CLK4: variants seen among roughly 807,000 people sequenced by gnomAD.
CLK4 encodes the protein dual specificity protein kinase CLK4.
In CLK4, 37 loss-of-function variants were observed where a neutral mutation model predicts 64.4. The ratio of observed to expected loss-of-function variants is 0.57; its 90% CI spans 0.44 to 0.76. The LOEUF (loss-of-function observed/expected upper bound fraction) is 0.76, where lower values mean the gene tolerates loss of function less well. Ranked by LOEUF, CLK4 falls within the 30% of genes least tolerant of loss-of-function variation. CLK4 has a pLI of 0.00. For missense variants in CLK4, 457 were observed against 605.1 expected, an observed-to-expected ratio of 0.76 and a Z score of 2.57; for synonymous variants, 175 against 191.6, an observed-to-expected ratio of 0.91 and a Z score of 0.72.
intron 9 of CLK4, among the ~76,000 whole-genome samples, chr5:178,609,576 G>C (rs1052360872): frequency 3.9e-5 from 6 of 152,162 alleles, no homozygotes; most frequent in Non-Finnish European, 7.4e-5. Flanking sequence ...CCAGTGACTT[G>C]GGAGGCTGAG....
chr5:178,612,841 A>C lies in CLK4; in HGVS notation c.876T>G (p.Ile292Met), dbSNP rs1764576032. Reference protein sequence around the residue: ...LTHTDLKPENILFVKSDYVVK... With the variant: ...LTHTDLKPENMLFVKSDYVVK... ...CTACATAGTCAGACTTCACAAACAA[A>C]ATATTTTCAGGCTTCAGATCTGTAT... is the stretch of plus-strand genomic sequence containing the variant. Residue 292 changes from isoleucine (I) to methionine (M), a missense_variant, in exon 8 of 13, where the codon ATT becomes ATG. Transcript: ENST00000316308. 1.3e-6 allele frequency: 2 copies of C among 1,579,096 alleles called. No individual in the cohort carries two copies. The highest frequency in any genetic ancestry group is 1.7e-6 in the Non-Finnish European group (2 of 1,149,898).
rs543441497 is a variant in CLK4, at chr5:178,616,593, C to T, written c.542+289G>A. On this transcript the variant is annotated intron_variant, in intron 5 of 12. Transcript: ENST00000316308. Reference sequence around the variant, plus strand: ...GGTAGATCACTTGAGGTCAGGAGTTCGAGACCACCCAGGCCAACACGGTGA... The same window carrying T: ...GGTAGATCACTTGAGGTCAGGAGTTTGAGACCACCCAGGCCAACACGGTGA... Among the ~76,000 whole-genome samples the T allele has an allele frequency of 1.6e-3, 246 of 152,024 alleles. 1 individual carries two copies. The highest frequency in any genetic ancestry group is 6.8e-3 in the Middle Eastern group (2 of 294).
At chr5:178,606,576 C>A (rs1764469845) in intron 10 of CLK4, among the ~76,000 whole-genome samples, 1 of 152,128 alleles carries the variant, frequency 6.6e-6, no homozygotes, top group Non-Finnish European at 1.5e-5. Context: ...GATCTCCAGC[C>A]CCTCTTCCCC....
At chr5:178,624,957 C>G (rs1258594830) in intron 1 of CLK4, among the ~76,000 whole-genome samples, 1 of 152,150 alleles carries the variant, frequency 6.6e-6, no homozygotes, top group Admixed American at 6.5e-5. Flanking sequence ...CTATACCCAT[C>G]AAGCATCCTT....
At chr5:178,610,350 G>A (rs1012322173) in intron 9 of CLK4, among the ~76,000 whole-genome samples, 7 of 151,734 alleles carry the variant, frequency 4.6e-5, no homozygotes, top group Non-Finnish European at 1.0e-4. Context: ...TCTTTTCCCA[G>A]GTGACTGTAA....
rs770943580 is a variant in CLK4 at position 178,617,359 on chromosome 5, C to G, written c.460G>C (p.Val154Leu). 9 of 1,612,436 alleles carry G rather than the reference C, an allele frequency of 5.6e-6. No individual in the cohort carries two copies. The highest frequency in any genetic ancestry group is 7.6e-6 in the Non-Finnish European group (9 of 1,178,468). Residue 154 changes from valine (V) to leucine (L), a missense_variant, in exon 4 of 13, where the codon GTT becomes CTT. Coordinates refer to ENST00000316308, the MANE Select transcript of CLK4 (RefSeq NM_020666.3). This position sits in a 1 kb window ranked among gnomAD's most constrained non-coding sequence, Gnocchi z 5.2. ...EGHLICQSGD[V>L]LRARYEIVDT... ...TATTCTATACATCTTGCTCTTAGAA[C>G]GTCTCCACTTTGACAGATCAGGTGA... is the stretch of plus-strand genomic sequence containing the variant.
chr5:178,605,520 GAA>G (rs1764454946), intron 10 of CLK4, 138 bp from the exon 11 acceptor site: 1 of 489,060 alleles, frequency 2.0e-6, no homozygotes, highest in Non-Finnish European at 3.5e-6. Flanking sequence ...AAGGTTACCA[GAA>G]AAACTGTCTC....
chr5:178,621,088 G>A (rs1764701332), intron 2 of CLK4, among the ~76,000 whole-genome samples: 1 of 152,168 alleles, frequency 6.6e-6, no homozygotes, highest in African/African-American at 2.4e-5. Context: ...AAATAAGTAA[G>A]CTGAGAATAG....
At chr5:178,622,019 A>G (rs1764714178) in intron 2 of CLK4, 1 of 152,198 alleles carries the variant, frequency 6.6e-6, no homozygotes, top group African/African-American at 2.4e-5. Flanking sequence ...CAAATATCAA[A>G]GCAGGCACTG....
At chr5:178,612,213 C>T (rs925928356) in intron 9 of CLK4, among the ~76,000 whole-genome samples, 1 of 152,204 alleles carries the variant, frequency 6.6e-6, no homozygotes, top group Non-Finnish European at 1.5e-5. Flanking sequence ...TAACCACCAC[C>T]TGGAATATCT....
chr5:178,618,728 C>T lies in CLK4; in HGVS notation c.212G>A (p.Arg71Lys), dbSNP rs1036077080. The change falls in exon 3 of 13, where the codon AGA becomes AAA. Residue 71 changes from arginine (R) to lysine (K), a missense_variant. By Grantham distance (26) the Arg-to-Lys change is conservative. Transcript: ENST00000316308. ...GTCATTCCTGTATTCGTCAACGTAT[C>T]TCCGGTCCCGATAATCTCGCTCATT... ...SLNERDYRDR[R>K]YVDEYRNDYC... 2 of 1,613,758 alleles carry T rather than the reference C, an allele frequency of 1.2e-6. No homozygotes were observed. The highest frequency in any genetic ancestry group is 1.7e-6 in the Non-Finnish European group (2 of 1,179,898).
intron 3 of CLK4, 66 bp downstream of exon 3, chr5:178,618,490 T>C: frequency 1.3e-6 from 1 of 789,276 alleles, no homozygotes; most frequent in South Asian, 3.1e-5. Flanking sequence ...AATTAGAAAC[T>C]TATCAGCTCG....
At chr5:178,619,713 C>T in intron 2 of CLK4, 1 of 1,154,960 alleles carries the variant, frequency 8.7e-7, no homozygotes, top group Non-Finnish European at 1.1e-6. Context: ...ATAAACAAAA[C>T]TTGGCAAGGA....
Position 178,603,606 on chromosome 5 carries a change from T to C in CLK4, c.*11A>G, listed in dbSNP as rs1278766717. ...CTAGAGAAGTATATAGTAAGACCAC[T>C]GATTCCCATTTCATTTCTTTTTTAA... On this transcript the variant is annotated 3_prime_UTR_variant, in exon 13 of 13. Coordinates refer to ENST00000316308, the MANE Select transcript of CLK4 (RefSeq NM_020666.3). 45 of 1,549,380 alleles carry C rather than the reference T, an allele frequency of 2.9e-5. 1 individual carries two copies. The highest frequency in any genetic ancestry group is 3.8e-5 in the Non-Finnish European group (44 of 1,153,774).
intron 5 of CLK4, among the ~76,000 whole-genome samples, chr5:178,614,389 CT>C (rs902142918): frequency 7.9e-5 from 12 of 152,156 alleles, no homozygotes; most frequent in Admixed American, 7.9e-4. Context: ...GAGACCCCAA[CT>C]CTAAGTAATG....
intron 11 of CLK4, chr5:178,605,085 G>A (rs919327199): frequency 1.2e-5 from 3 of 251,434 alleles, no homozygotes; most frequent in Admixed American, 5.8e-5. Context: ...AGCTGAGATC[G>A]TGCCACTGCA....
chr5:178,611,457 T>C (rs140899769), intron 9 of CLK4, among the ~76,000 whole-genome samples: 1 of 152,300 alleles, frequency 6.6e-6, no homozygotes, highest in African/African-American at 2.4e-5. Context: ...TTCTCCTCAG[T>C]CACACTGGCC....
chr5:178,612,676 T>A, intron 8 of CLK4, 120 bp downstream of exon 8: 1 of 1,134,354 alleles, frequency 8.8e-7, no homozygotes, highest in South Asian at 1.5e-5. Context: ...AAGGATTACT[T>A]CTTTTTGGTT....
In CLK4 at chr5:178,618,760, C is replaced by T; in HGVS notation, c.180G>A (p.Arg60=). The change falls in exon 3 of 13, where the codon AGG becomes AGA. Residue 60 remains arginine (R), a synonymous_variant. Transcript: ENST00000316308. ...CCCGATAATCTCGCTCATTCAAGGA[C>T]CTTGCTTCTAAATAATGACTGCAAA... is the stretch of plus-strand genomic sequence containing the variant. The part of the protein sequence containing the change: ...KESDCHYLEA[R]SLNERDYRDR... The T allele has an allele frequency of 6.2e-7, 1 of 1,612,806 alleles. No homozygotes were observed. The highest frequency in any genetic ancestry group is 1.1e-5 in the South Asian group (1 of 91,034).
Sources: allele counts gnomAD v4.1 joint callset (sites outside exome capture counted in the v4.1 genomes callset), GRCh38; gene constraint gnomAD v4.1.1; non-coding constraint Gnocchi (gnomAD v3.1); transcripts MANE v1.5; gene names NCBI Gene and HGNC (gene_info 2026-07-23, HGNC 2026-07-21).